CKB: variants seen among roughly 807,000 people sequenced by gnomAD.
CKB encodes the protein creatine kinase B, also known as creatine kinase B-type.
A neutral mutation model predicts 36.9 loss-of-function variants in CKB; 15 were observed. That is an observed-to-expected ratio of 0.41 (90% CI 0.27 to 0.63). The LOEUF (loss-of-function observed/expected upper bound fraction) is 0.63. Ranked by LOEUF, CKB falls within the 20% of genes least tolerant of loss-of-function variation. The pLI is 0.34. For missense variants in CKB, 413 were observed against 534.9 expected, an observed-to-expected ratio of 0.77 and a Z score of 2.25; for synonymous variants, 250 against 228.2, an observed-to-expected ratio of 1.10 and a Z score of -0.86.
intron 5 of CKB, 40 bp downstream of exon 5, chr14:103,521,223 G>C (rs988655343): frequency 7.8e-6 from 12 of 1,544,438 alleles, no homozygotes; most frequent in Non-Finnish European, 9.6e-6. Flanking sequence ...GAGGTAGCGG[G>C]GAGGGAGGAC....
Position 103,522,347 on chromosome 14 carries a change from G to C in CKB, c.147C>G (p.Ser49Arg), listed in dbSNP as rs2075909456. 5.0e-6 allele frequency: 8 copies of C among 1,610,520 alleles called. No individual in the cohort carries two copies. The East Asian group carries it at 1.8e-4, about 36-fold the overall frequency. ...YAELRAKSTPSGFTLDDVIQT... is the reference protein window; with the variant it reads ...YAELRAKSTPRGFTLDDVIQT... ...GGATGACGTCGTCCAGCGTGAAGCC[G>C]CTCGGCGTGCTCTTGGCGCGCAGCT... The change falls in exon 2 of 8, where the codon AGC (serine) becomes AGG (arginine). Residue 49 changes from serine (S) to arginine (R), a missense_variant. By Grantham distance (110) the Ser-to-Arg change is moderately radical. Transcript: ENST00000348956. This position sits in a 1 kb window ranked among gnomAD's most constrained non-coding sequence, Gnocchi z 6.7.
Position 103,522,561 on chromosome 14 carries a change from G to A in CKB, c.-12-56C>T. ...GGCACGCCGGGGTTCCCGGGCTCCC[G>A]CGTACCACTCAGGCCCCCGCCGCCG... On this transcript the variant is annotated intron_variant, in intron 1 of 7. Transcript: ENST00000348956. The surrounding 1 kb of genome is among the most constrained non-coding windows in gnomAD (Gnocchi z 6.7). 9.1e-7 allele frequency: 1 copy of A among 1,094,338 alleles called. No individual in the cohort carries two copies. The highest frequency in any genetic ancestry group is 1.5e-5 in the South Asian group (1 of 66,210). 67.8% of individuals were successfully genotyped at this position (1,094,338 alleles called of 1,614,324 possible).
At position 103,519,817 on chromosome 14, in the gene CKB, C is replaced by T. The variant is rs749070539; in HGVS notation, c.*47G>A. The T allele has an allele frequency of 1.7e-5, 26 of 1,557,946 alleles. No homozygotes were observed. The highest frequency in any genetic ancestry group is 4.6e-4 in the Middle Eastern group (2 of 4,328). On this transcript the variant is annotated 3_prime_UTR_variant, in exon 8 of 8. Transcript: ENST00000348956. ...GGGTGCATGGTGGGCACTGCCCAGGCAATAAGTTAGGAAGCAGCAGGGCTG... is the reference window on the plus strand; with the variant it reads ...GGGTGCATGGTGGGCACTGCCCAGGTAATAAGTTAGGAAGCAGCAGGGCTG...
chr14:103,521,639 G>A, intron 4 of CKB, 179 bp downstream of exon 4: 1 of 952,292 alleles, frequency 1.1e-6, no homozygotes, highest in Non-Finnish European at 1.4e-6. Context: ...GCCCCAGGCC[G>A]CTGTGGGCGC....
At position 103,521,424 on chromosome 14, in the gene CKB, G is replaced by A. The variant is rs768646865; in HGVS notation, c.492C>T (p.Ser164=). The change falls in exon 5 of 8, where the codon AGC becomes AGT. Residue 164 remains serine, a synonymous_variant. Transcript: ENST00000348956. ...ATCGGCCCGCCAGGTCGCCGTCCAG[G>A]CTGGACAGGGCTGCGAGGGGTGCGC... ...IEKLAVEALS[S]LDGDLAGRYY... is the part of the protein sequence containing the mutation. 5 of 1,597,110 alleles carry A rather than the reference G, an allele frequency of 3.1e-6. No individual in the cohort carries two copies. In the African/African-American group the frequency reaches 4.0e-5, roughly 13 times the overall value.
rs762294302 is a variant in CKB, at chr14:103,520,054, G to A, written c.968-12C>T. On this transcript the variant is annotated splice_polypyrimidine_tract_variant and intron_variant, in intron 7 of 7. Coordinates refer to ENST00000348956, the MANE Select transcript of CKB (RefSeq NM_001823.5). ...CGTGTCCACACCGCCTGGGGAGACA[G>A]CAAGTCAGGGCGGAGGAAACAGGGC... The A allele has an allele frequency of 3.7e-6, 6 of 1,608,710 alleles. No individual in the cohort carries two copies. In the East Asian group the frequency reaches 1.1e-4, roughly 30 times the overall value.
intron 5 of CKB, 79 bp downstream of exon 5, chr14:103,521,184 C>A: frequency 1.3e-6 from 2 of 1,500,052 alleles, no homozygotes; most frequent in South Asian, 1.2e-5. Context: ...AGGGGCCCCA[C>A]CCCCGCGAGG....
Position 103,522,540 on chromosome 14 carries a change from C to A in CKB, c.-12-35G>T. 7 of 1,282,476 alleles carry A rather than the reference C, an allele frequency of 5.5e-6. No homozygotes were observed. The highest frequency in any genetic ancestry group is 7.1e-6 in the Non-Finnish European group (7 of 985,732). The allele number at this position is 1,282,476 out of a possible 1,614,324, so 79.4% of individuals were successfully genotyped here. On this transcript the variant is annotated intron_variant, in intron 1 of 7. Coordinates refer to ENST00000348956, the MANE Select transcript of CKB (RefSeq NM_001823.5). The surrounding 1 kb of genome is among the most constrained non-coding windows in gnomAD (Gnocchi z 6.7). ...GACGCGGGGTCAGAGGGGACCGGCA[C>A]GCCGGGGTTCCCGGGCTCCCGCGTA...
At chr14:103,520,942 C>T (rs1406793709) in intron 5 of CKB, 1 of 535,986 alleles carries the variant, frequency 1.9e-6, no homozygotes, top group Non-Finnish European at 3.3e-6. Flanking sequence ...GAAAAGAAAA[C>T]AAAGAGCTCC....
chr14:103,520,942 CAA>C (rs1566962407), intron 5 of CKB: 2 of 536,104 alleles, frequency 3.7e-6, no homozygotes, highest in East Asian at 3.5e-5. Context: ...GAAAAGAAAA[CAA>C]AGAGCTCCAG....
At position 103,522,663 on chromosome 14, in the gene CKB, G is replaced by C; in HGVS notation, c.-13+103C>G. 3.8e-6 allele frequency: 1 copy of C among 266,558 alleles called. No homozygotes were observed. The highest frequency in any genetic ancestry group is 6.4e-6 in the Non-Finnish European group (1 of 156,726). 16.5% of individuals were successfully genotyped at this position (266,558 alleles called of 1,614,324 possible). ...CGCGCGGGGAGCGCCATCATCGCCGGGGACCCCCGGCCGGTCCGGCGCGCG... is the reference window on the plus strand; with the variant it reads ...CGCGCGGGGAGCGCCATCATCGCCGCGGACCCCCGGCCGGTCCGGCGCGCG... On this transcript the variant is annotated intron_variant, in intron 1 of 7. Coordinates refer to ENST00000348956, the MANE Select transcript of CKB (RefSeq NM_001823.5). This position sits in a 1 kb window ranked among gnomAD's most constrained non-coding sequence, Gnocchi z 6.7.
intron 4 of CKB, 60 bp from the exon 5 acceptor site, chr14:103,521,494 G>A (rs968552046): frequency 7.9e-6 from 11 of 1,388,898 alleles, no homozygotes; most frequent in Non-Finnish European, 9.3e-6. Flanking sequence ...CCCGCAGCGC[G>A]GACCCGCCCG....
chr14:103,520,702 T>G, intron 5 of CKB, 110 bp from the exon 6 acceptor site: 1 of 1,407,178 alleles, frequency 7.1e-7, no homozygotes, highest in Middle Eastern at 2.1e-4. Context: ...TGCCCAGGAG[T>G]GGAGGCTGCT....
rs751794219 is a variant in CKB at position 103,522,522 on chromosome 14, G to T, written c.-12-17C>A. On this transcript the variant is annotated splice_polypyrimidine_tract_variant and intron_variant, in intron 1 of 7. Transcript: ENST00000348956. This position sits in a 1 kb window ranked among gnomAD's most constrained non-coding sequence, Gnocchi z 6.7. ...GGCGGCGGGCTGCGGGGAGACGCGG[G>T]GTCAGAGGGGACCGGCACGCCGGGG... 3 of 1,561,516 alleles carry T rather than the reference G, an allele frequency of 1.9e-6. No homozygotes were observed.
rs778366070 is a variant in CKB, at chr14:103,521,387, T to G, written c.529A>C (p.Lys177Gln). 3.1e-6 allele frequency: 5 copies of G among 1,608,548 alleles called. No homozygotes were observed. Among genetic ancestry groups the G allele is most frequent in the Non-Finnish European group, 4.2e-6 (5 of 1,179,272 alleles). ...GDLAGRYYAL[K>Q]SMTEAEQQQL... is the part of the protein sequence containing the mutation. ...TGCTGCTCCGCCTCCGTCATGCTCT[T>G]GAGCGCGTAGTATCGGCCCGCCAGG... is the stretch of plus-strand genomic sequence containing the variant. The change falls in exon 5 of 8, where the codon AAG becomes CAG. Residue 177 changes from lysine (K) to glutamine (Q), a missense_variant. By Grantham distance (53) the Lys-to-Gln change is moderately conservative. Transcript: ENST00000348956.
chr14:103,522,561 G>C lies in CKB; in HGVS notation c.-12-56C>G. On this transcript the variant is annotated intron_variant, in intron 1 of 7. Transcript: ENST00000348956. The surrounding 1 kb of genome is among the most constrained non-coding windows in gnomAD (Gnocchi z 6.7). The stretch of plus-strand genomic sequence containing the variant: ...GGCACGCCGGGGTTCCCGGGCTCCC[G>C]CGTACCACTCAGGCCCCCGCCGCCG... The C allele has an allele frequency of 9.1e-7, 1 of 1,094,338 alleles. No individual in the cohort carries two copies. Among genetic ancestry groups the C allele is most frequent in the Non-Finnish European group, 1.2e-6 (1 of 832,960 alleles). 67.8% of individuals were successfully genotyped at this position (1,094,338 alleles called of 1,614,324 possible).
Position 103,520,007 on chromosome 14 carries a change from C to T in CKB, c.1003G>A (p.Asp335Asn), listed in dbSNP as rs1380864359. 2 of 1,610,562 alleles carry T rather than the reference C, an allele frequency of 1.2e-6. No individual in the cohort carries two copies. Among genetic ancestry groups the T allele is most frequent in the South Asian group, 1.1e-5 (1 of 91,064 alleles). The change falls in exon 8 of 8, where the codon GAC becomes AAC. Residue 335 changes from aspartate to asparagine, a missense_variant. Around this residue, in one of 3 missense-constraint regions of CKB, gnomAD observed 314 missense variants for 409.4 expected, o/e 0.77. Coordinates refer to ENST00000348956, the MANE Select transcript of CKB (RefSeq NM_001823.5). ...CCCAGGCGGTCAGCGTTGGAGACGT[C>T]GAAGACCCCGCCCACCGCAGCCGTG... ...VDTAAVGGVF[D>N]VSNADRLGFS...
At position 103,520,210 on chromosome 14, in the gene CKB, T is replaced by C. The variant is rs138229520; in HGVS notation, c.879A>G (p.Ala293=). Residue 293 remains alanine (A), a synonymous_variant, in exon 7 of 8, where the codon GCA becomes GCG. Transcript: ENST00000348956. The part of the protein sequence containing the change: ...CPSNLGTGLR[A]GVHIKLPNLG... The stretch of plus-strand genomic sequence containing the variant: ...GGTTGGGCAGCTTGATATGCACACC[T>C]GCCCGCAGCCCGGTGCCCAGGTTGG... 1 of 1,613,388 alleles carries C rather than the reference T, an allele frequency of 6.2e-7. No homozygotes were observed. The highest frequency in any genetic ancestry group is 8.5e-7 in the Non-Finnish European group (1 of 1,179,960).
rs528084620 is a variant in CKB, at chr14:103,519,888, G to T, written c.1122C>A (p.Asp374Glu). Residue 374 changes from aspartate to glutamate, a missense_variant, in exon 8 of 8, where the codon GAC (aspartate) becomes GAA (glutamate). Transcript: ENST00000348956. ...EQRLEQGQAI[D>E]DLMPAQK Reference sequence around the variant, plus strand: ...TTCATTTCTGGGCAGGCATGAGGTCGTCGATGGCCTGGCCCTGCTCCAGCC... The same window carrying T: ...TTCATTTCTGGGCAGGCATGAGGTCTTCGATGGCCTGGCCCTGCTCCAGCC... 2 of 1,606,450 alleles carry T rather than the reference G, an allele frequency of 1.2e-6. No homozygotes were observed. Among genetic ancestry groups the T allele is most frequent in the Non-Finnish European group, 1.7e-6 (2 of 1,179,800 alleles).
Sources: allele counts gnomAD v4.1 joint callset, GRCh38; gene constraint gnomAD v4.1.1; regional missense constraint gnomAD v4.1.1; non-coding constraint Gnocchi (gnomAD v3.1); transcripts MANE v1.5; gene names NCBI Gene and HGNC (gene_info 2026-07-23, HGNC 2026-07-21).